Variants in PNKD observed in about 807,000 individuals in gnomAD.
PNKD encodes the protein PNKD metallo-beta-lactamase domain containing, also known as probable thioesterase PNKD.
Under a neutral mutation model 45.3 loss-of-function variants are expected in PNKD, and 36 were observed. The observed-to-expected ratio is 0.80, with a 90% CI of 0.61 to 1.05. The LOEUF is 1.05. PNKD is among the 50% of genes least tolerant of loss of function. The probability of loss-of-function intolerance (pLI) is 0.00; values close to 1 mark genes in which losing one functional copy is unlikely to be tolerated. For missense variants in PNKD, 511 were observed against 506.6 expected (o/e 1.01, Z -0.08); for synonymous variants, 197 against 210.1 (o/e 0.94, Z 0.54).
intron 1 of PNKD, chr2:218,271,179 G>A (rs1690815904): frequency 8.0e-6 from 5 of 626,704 alleles, no homozygotes; most frequent in Non-Finnish European, 1.5e-5. Context: ...CCGCAGTGAC[G>A]TGGAAGTGGC....
intron 2 of PNKD, among the ~76,000 whole-genome samples, chr2:218,316,073 C>T (rs1184690540): frequency 6.6e-6 from 1 of 152,098 alleles, no homozygotes; most frequent in Non-Finnish European, 1.5e-5. Context: ...GAAAATATAC[C>T]TCGCCTCCAT....
intron 2 of PNKD, among the ~76,000 whole-genome samples, chr2:218,296,787 T>C (rs954077944): frequency 1.3e-5 from 2 of 152,152 alleles, no homozygotes; most frequent in Non-Finnish European, 2.9e-5. Context: ...CAAGCGATTC[T>C]CCTGCTTGGC....
At chr2:218,301,981 T>G (rs1368224538) in intron 2 of PNKD, among the ~76,000 whole-genome samples, 5 of 152,190 alleles carry the variant, frequency 3.3e-5, no homozygotes, top group Admixed American at 3.3e-4. Context: ...TATTAGCAAC[T>G]CATCTCATAA....
chr2:218,330,385 G>A (rs1370366827), intron 2 of PNKD, among the ~76,000 whole-genome samples: 1 of 152,220 alleles, frequency 6.6e-6, no homozygotes, highest in Non-Finnish European at 1.5e-5. Flanking sequence ...CGTCTGGGGG[G>A]GCAGTGGCTC....
At chr2:218,282,164 A>T in intron 2 of PNKD, 1 of 1,451,410 alleles carries the variant, frequency 6.9e-7, no homozygotes, top group Non-Finnish European at 9.1e-7. Flanking sequence ...GCTGAGGGGG[A>T]ACCCCAGCTG....
intron 2 of PNKD, among the ~76,000 whole-genome samples, chr2:218,284,463 G>A (rs1377097702): frequency 6.6e-6 from 1 of 152,266 alleles, no homozygotes; most frequent in African/African-American, 2.4e-5. Context: ...CCGGGTGAAA[G>A]GTGCCTCAGA....
intron 2 of PNKD, chr2:218,285,809 G>C (rs567871779): frequency 6.5e-6 from 1 of 152,774 alleles, no homozygotes; most frequent in South Asian, 2.1e-4. Context: ...GAGCCTCCGG[G>C]GACCAGGGCT....
intron 2 of PNKD, among the ~76,000 whole-genome samples, chr2:218,321,212 C>G (rs1010628879): frequency 1.3e-4 from 20 of 152,184 alleles, no homozygotes; most frequent in Non-Finnish European, 2.6e-4. Flanking sequence ...CCTGGCACAG[C>G]CTTACCTGCA....
At chr2:218,284,501 G>A (rs927273481) in intron 2 of PNKD, among the ~76,000 whole-genome samples, 8 of 152,240 alleles carry the variant, frequency 5.3e-5, no homozygotes, top group African/African-American at 1.4e-4. Context: ...GATGGGCCAC[G>A]GGGACTCCAA....
At chr2:218,308,274 C>T (rs1418240672) in intron 2 of PNKD, among the ~76,000 whole-genome samples, 1 of 149,878 alleles carries the variant, frequency 6.7e-6, no homozygotes, top group Non-Finnish European at 1.5e-5. Flanking sequence ...GTAACCTCTG[C>T]CTCTCAGATT....
chr2:218,308,516 C>T (rs1559518610), intron 2 of PNKD, among the ~76,000 whole-genome samples: 1 of 150,518 alleles, frequency 6.6e-6, no homozygotes, highest in Non-Finnish European at 1.5e-5. Context: ...TTTTTGTTTA[C>T]AGAGGTACAA....
chr2:218,314,902 C>G (rs1393915940), intron 2 of PNKD, among the ~76,000 whole-genome samples: 1 of 141,652 alleles, frequency 7.1e-6, no homozygotes, highest in Non-Finnish European at 1.6e-5. Context: ...TTTGGACAGG[C>G]TGGCCTTGAA....
At chr2:218,335,622 G>C (rs1384778460) in intron 2 of PNKD, among the ~76,000 whole-genome samples, 1 of 108,392 alleles carries the variant, frequency 9.2e-6, no homozygotes, top group Non-Finnish European at 1.9e-5. Flanking sequence ...ATGTAAGTTG[G>C]CCAAATCTAA....
chr2:218,279,947 G>A, intron 2 of PNKD: 1 of 1,012,904 alleles, frequency 9.9e-7, no homozygotes, highest in Non-Finnish European at 1.6e-6. Context: ...GATGCCCTGG[G>A]GCTACTGTGG....
chr2:218,312,428 C>G (rs1693640784), intron 2 of PNKD, among the ~76,000 whole-genome samples: 1 of 151,862 alleles, frequency 6.6e-6, no homozygotes, highest in African/African-American at 2.4e-5. Context: ...CAAGATCCAC[C>G]CATCAGGGCT....
intron 2 of PNKD, chr2:218,275,690 G>A (rs1183525243): frequency 3.2e-6 from 5 of 1,558,672 alleles, no homozygotes; most frequent in Non-Finnish European, 4.3e-6. Flanking sequence ...TTGGTCAGCA[G>A]ATTTGTCTTG....
chr2:218,334,765 T>C lies in PNKD; in HGVS notation c.237-5018T>C, dbSNP rs997169666. 11 of 702,052 alleles carry C rather than the reference T, an allele frequency of 1.6e-5. No individual in the cohort carries two copies. In the African/African-American group the frequency reaches 1.6e-4, roughly 10 times the overall value. 43.5% of individuals were successfully genotyped at this position (702,052 alleles called of 1,614,324 possible). A position where few individuals can be genotyped will look rare whatever the true frequency, so the allele number is the denominator to read the frequency against. On this transcript the variant is annotated intron_variant, in intron 2 of 9. Transcript: ENST00000273077. The stretch of plus-strand genomic sequence containing the variant: ...TGTCTATATATTGTTACTGGTGAGA[T>C]TAACTTTGATCACTGGCTTAAGGTG...
chr2:218,307,888 A>G (rs1475123799), intron 2 of PNKD, among the ~76,000 whole-genome samples: 1 of 152,128 alleles, frequency 6.6e-6, no homozygotes, highest in Non-Finnish European at 1.5e-5. Flanking sequence ...CCAGAGGTTC[A>G]GTGATAAGGG....
intron 2 of PNKD, among the ~76,000 whole-genome samples, chr2:218,309,796 G>C (rs1042758847): frequency 6.6e-6 from 1 of 151,874 alleles, no homozygotes; most frequent in East Asian, 1.9e-4. Flanking sequence ...TTAGCCGAGC[G>C]TGGTGGTGCA....
Sources: allele counts gnomAD v4.1 joint callset (sites outside exome capture counted in the v4.1 genomes callset), GRCh38; gene constraint gnomAD v4.1.1; transcripts MANE v1.5; gene names NCBI Gene and HGNC (gene_info 2026-07-23, HGNC 2026-07-21).